The following PRR15L variants were observed in gnomAD, a reference collection of about 807,000 sequenced individuals.
PRR15L encodes the protein proline-rich protein 15-like protein.
A neutral mutation model predicts 3.7 loss-of-function variants in PRR15L; 1 was observed. The ratio of observed to expected loss-of-function variants is 0.27; its 90% CI spans 0.09 to 1.27. PRR15L has a LOEUF of 1.27. Among genes scored for constraint, PRR15L ranks in the 50% most tolerant of loss-of-function variants. The pLI, the probability that PRR15L is intolerant of heterozygous loss-of-function variation, is 0.47. For missense variants in PRR15L, 127 were observed against 128.7 expected (o/e 0.99, Z 0.06); for synonymous variants, 57 against 51.9 (o/e 1.10, Z -0.42).
In PRR15L at chr17:47,952,742, C is replaced by T; in HGVS notation, c.*181G>A. 1.7e-6 allele frequency: 1 copy of T among 605,970 alleles called. No homozygotes were observed. The highest frequency in any genetic ancestry group is 2.8e-6 in the Non-Finnish European group (1 of 354,400). 37.5% of individuals were successfully genotyped at this position (605,970 alleles called of 1,614,324 possible). ...GGGAGGGTGGAGGACCCTGGGATCT[C>T]CCAGGCCTTACAAAAGTGGCGGCAC... On this transcript the variant is annotated 3_prime_UTR_variant, in exon 2 of 2. Coordinates refer to ENST00000300557, the MANE Select transcript of PRR15L (RefSeq NM_024320.4).
chr17:47,953,309 G>T (rs112940396), intron 1 of PRR15L, 46 bp from the exon 2 acceptor site: 51,374 of 1,236,398 alleles, frequency 0.042, 1,422 homozygotes, highest in Middle Eastern at 0.11. Flanking sequence ...TGGGAAAAGG[G>T]GGTGGGTGCC....
intron 1 of PRR15L, among the ~76,000 whole-genome samples, chr17:47,956,941 G>A (rs771641782): frequency 6.6e-6 from 1 of 152,246 alleles, no homozygotes. Context: ...CCGAGCTAAG[G>A]GCTGGGCCCT....
In PRR15L at chr17:47,953,260, C is replaced by T; in HGVS notation, c.-26G>A. 1.3e-6 allele frequency: 2 copies of T among 1,519,152 alleles called. No individual in the cohort carries two copies. Among genetic ancestry groups the T allele is most frequent in the Non-Finnish European group, 1.8e-6 (2 of 1,132,842 alleles). The allele number at this position is 1,519,152 out of a possible 1,614,324, so 94.1% of individuals were successfully genotyped here. ...GGCGCTCCCTAAGCCAAGGATGGGG[C>T]TTTCTGCTGGAGCAGGGTGGGGGAG... On this transcript the variant is annotated 5_prime_UTR_variant, in exon 2 of 2. Coordinates refer to ENST00000300557, the MANE Select transcript of PRR15L (RefSeq NM_024320.4).
chr17:47,952,910 C>T lies in PRR15L; in HGVS notation c.*13G>A. 1 of 1,604,742 alleles carries T rather than the reference C, an allele frequency of 6.2e-7. No individual in the cohort carries two copies. Among genetic ancestry groups the T allele is most frequent in the Non-Finnish European group, 8.5e-7 (1 of 1,174,868 alleles). On this transcript the variant is annotated 3_prime_UTR_variant, in exon 2 of 2. Transcript: ENST00000300557. The stretch of plus-strand genomic sequence containing the variant: ...GCAGGGAGCCAAGAGGTGCTAGCAC[C>T]CTCCTCAGCCCTTCACTTTGATGAC...
intron 1 of PRR15L, among the ~76,000 whole-genome samples, chr17:47,954,262 C>T (rs1286591463): frequency 1.3e-5 from 2 of 152,146 alleles, no homozygotes; most frequent in Admixed American, 6.5e-5. Flanking sequence ...GCCTCAGTTT[C>T]CTCACCCATC....
chr17:47,955,812 C>A (rs2036122010), intron 1 of PRR15L, among the ~76,000 whole-genome samples: 1 of 152,132 alleles, frequency 6.6e-6, no homozygotes, highest in Admixed American at 6.5e-5. Flanking sequence ...CGAGTCACTG[C>A]CTTGTCTGGA....
In PRR15L at chr17:47,952,322, ACAG is replaced by A. The variant is rs1347260648; in HGVS notation, c.*598_*600del. On this transcript the variant is annotated 3_prime_UTR_variant, in exon 2 of 2. Coordinates refer to ENST00000300557, the MANE Select transcript of PRR15L (RefSeq NM_024320.4). ...CAAACTACCATCAATCTAGTCTTCT[ACAG>A]CACCCTAACAGAGTGCCAGGGTCCT... 1 of 152,358 alleles carries A rather than the reference ACAG, an allele frequency of 6.6e-6. No homozygotes were observed. Among genetic ancestry groups the A allele is most frequent in the African/African-American group, 2.4e-5 (1 of 41,562 alleles). The allele number at this position is 152,358 out of a possible 1,614,324, so 9.4% of individuals were successfully genotyped here. A position where few individuals can be genotyped will look rare whatever the true frequency, so the allele number is the denominator to read the frequency against.
chr17:47,954,899 A>G (rs1460496552), intron 1 of PRR15L, among the ~76,000 whole-genome samples: 1 of 151,810 alleles, frequency 6.6e-6, no homozygotes, highest in African/African-American at 2.4e-5. Context: ...GAAAAAGACC[A>G]GAAAGACACT....
intron 1 of PRR15L, among the ~76,000 whole-genome samples, chr17:47,954,313 C>T (rs996639726): frequency 2.3e-4 from 35 of 152,126 alleles, no homozygotes; most frequent in African/African-American, 8.2e-4. Flanking sequence ...TAATCCCTGC[C>T]CACAGAGGTA....
chr17:47,953,293 G>A, intron 1 of PRR15L, 30 bp from the exon 2 acceptor site: 2 of 1,413,286 alleles, frequency 1.4e-6, no homozygotes, highest in East Asian at 4.6e-5. Flanking sequence ...GAGACAAAGG[G>A]GTCAGTGGGA....
In PRR15L at chr17:47,953,087, C is replaced by T. The variant is rs200187748; in HGVS notation, c.148G>A (p.Asp50Asn). ...PRPDAGGPNSDFNTRLEKIVD... is the reference protein window; with the variant it reads ...PRPDAGGPNSNFNTRLEKIVD... The stretch of plus-strand genomic sequence containing the variant: ...ATCTTCTCCAGGCGGGTGTTAAAGT[C>T]GCTGTTGGGGCCTCCAGCGTCAGGC... The change falls in exon 2 of 2, where the codon GAC (aspartate) becomes AAC (asparagine). Residue 50 changes from aspartate to asparagine, a missense_variant. Asp to Asn is a conservative substitution (Grantham distance 23, BLOSUM62 1). Transcript: ENST00000300557. 8.6e-5 allele frequency: 139 copies of T among 1,614,142 alleles called. 3 individuals carry two copies. Among genetic ancestry groups the T allele is most frequent in the East Asian group, 4.5e-4 (20 of 44,878 alleles).
chr17:47,953,907 G>A (rs1179560461), intron 1 of PRR15L, among the ~76,000 whole-genome samples: 1 of 152,186 alleles, frequency 6.6e-6, no homozygotes, highest in African/African-American at 2.4e-5. Flanking sequence ...AGGCCCCTCA[G>A]GGCCACAGGC....
Position 47,953,034 on chromosome 17 carries a change from G to C in PRR15L, c.201C>G (p.His67Gln). Residue 67 changes from histidine (H) to glutamine (Q), a missense_variant, in exon 2 of 2, where the codon CAC (histidine) becomes CAG (glutamine). Coordinates refer to ENST00000300557, the MANE Select transcript of PRR15L (RefSeq NM_024320.4). Reference sequence around the variant, plus strand: ...AGCGTCCTGAGTTGGAGACCTTGACGTGCTTGCCCTTTGTGCTCTTGTCCA... The same window carrying C: ...AGCGTCCTGAGTTGGAGACCTTGACCTGCTTGCCCTTTGTGCTCTTGTCCA... ...KIVDKSTKGK[H>Q]VKVSNSGRFK... is the part of the protein sequence containing the mutation. The C allele has an allele frequency of 6.2e-7, 1 of 1,614,162 alleles. No individual in the cohort carries two copies. Among genetic ancestry groups the C allele is most frequent in the African/African-American group, 1.3e-5 (1 of 75,026 alleles).
At chr17:47,954,353 A>G (rs2036104823) in intron 1 of PRR15L, among the ~76,000 whole-genome samples, 1 of 152,206 alleles carries the variant, frequency 6.6e-6, no homozygotes, top group Admixed American at 6.5e-5. Context: ...AACTTACGAT[A>G]ATGGGAATAA....
chr17:47,952,852 C>T lies in PRR15L; in HGVS notation c.*71G>A, dbSNP rs376913058. The T allele has an allele frequency of 4.7e-5, 69 of 1,465,852 alleles. No individual in the cohort carries two copies. The Middle Eastern group carries it at 1.9e-3, about 40-fold the overall frequency. The allele number at this position is 1,465,852 out of a possible 1,614,324, so 90.8% of individuals were successfully genotyped here. A position where few individuals can be genotyped will look rare whatever the true frequency, so the allele number is the denominator to read the frequency against. ...CTTCAGCTATGGCCAAAGAGGCCAG[C>T]GTGGCAAGGTCCTGTCTCAGATCTG... is the stretch of plus-strand genomic sequence containing the variant. On this transcript the variant is annotated 3_prime_UTR_variant, in exon 2 of 2. Coordinates refer to ENST00000300557, the MANE Select transcript of PRR15L (RefSeq NM_024320.4).
At position 47,952,845 on chromosome 17, in the gene PRR15L, A is replaced by G; in HGVS notation, c.*78T>C. ...CCCACAGCTTCAGCTATGGCCAAAG[A>G]GGCCAGCGTGGCAAGGTCCTGTCTC... On this transcript the variant is annotated 3_prime_UTR_variant, in exon 2 of 2. Transcript: ENST00000300557. The G allele has an allele frequency of 7.1e-7, 1 of 1,410,992 alleles. No homozygotes were observed. The highest frequency in any genetic ancestry group is 9.6e-7 in the Non-Finnish European group (1 of 1,045,980). The allele number at this position is 1,410,992 out of a possible 1,614,324, so 87.4% of individuals were successfully genotyped here. A position where few individuals can be genotyped will look rare whatever the true frequency, so the allele number is the denominator to read the frequency against.
At position 47,953,214 on chromosome 17, in the gene PRR15L, C is replaced by G; in HGVS notation, c.21G>C (p.Trp7Cys). The change falls in exon 2 of 2, where the codon TGG becomes TGC. Residue 7 changes from tryptophan to cysteine, a missense_variant. Physicochemically the swap from Trp to Cys is radical, Grantham distance 215. Coordinates refer to ENST00000300557, the MANE Select transcript of PRR15L (RefSeq NM_024320.4). MTTEIGWWKLTFLRKKK... is the reference protein window; with the variant it reads MTTEIGCWKLTFLRKKK... ...TTTTCCGGAGGAAAGTCAGCTTCCACCAACCAATTTCAGTCGTCATGGCGC... is the reference window on the plus strand; with the variant it reads ...TTTTCCGGAGGAAAGTCAGCTTCCAGCAACCAATTTCAGTCGTCATGGCGC... 9 of 1,588,230 alleles carry G rather than the reference C, an allele frequency of 5.7e-6. No individual in the cohort carries two copies. The highest frequency in any genetic ancestry group is 7.7e-6 in the Non-Finnish European group (9 of 1,165,342).
At position 47,953,102 on chromosome 17, in the gene PRR15L, C is replaced by T. The variant is rs2036087647; in HGVS notation, c.133G>A (p.Gly45Arg). Residue 45 changes from glycine to arginine, a missense_variant, in exon 2 of 2, where the codon GGA becomes AGA. By Grantham distance (125) the Gly-to-Arg change is moderately radical. Transcript: ENST00000300557. ...GDAEPPRPDA[G>R]GPNSDFNTRL... ...GTGTTAAAGTCGCTGTTGGGGCCTC[C>T]AGCGTCAGGCCTCGGGGGTTCTGCA... is the stretch of plus-strand genomic sequence containing the variant. 3.1e-6 allele frequency: 5 copies of T among 1,614,160 alleles called. No individual in the cohort carries two copies. The highest frequency in any genetic ancestry group is 4.2e-6 in the Non-Finnish European group (5 of 1,180,024).
intron 1 of PRR15L, among the ~76,000 whole-genome samples, chr17:47,956,268 G>T (rs1442478989): frequency 6.6e-6 from 1 of 152,218 alleles, no homozygotes; most frequent in Non-Finnish European, 1.5e-5. Context: ...TTCAAGACCA[G>T]CCTGACCAAC....
Sources: allele counts gnomAD v4.1 joint callset (sites outside exome capture counted in the v4.1 genomes callset), GRCh38; gene constraint gnomAD v4.1.1; transcripts MANE v1.5; gene names NCBI Gene and HGNC (gene_info 2026-07-23, HGNC 2026-07-21).